CSPP1: variants seen among roughly 807,000 people sequenced by gnomAD.
CSPP1 encodes the protein centrosome and spindle pole-associated protein 1.
Under a neutral mutation model 164.4 loss-of-function variants are expected in CSPP1, and 126 were observed. That is an observed-to-expected ratio of 0.77 (90% CI 0.66 to 0.89). The LOEUF (loss-of-function observed/expected upper bound fraction) is 0.89. CSPP1 is among the 40% of genes least tolerant of loss of function. The pLI, the probability that CSPP1 is intolerant of heterozygous loss-of-function variation, is 0.00. For missense variants in CSPP1, 1,395 were observed against 1,449.8 expected, an observed-to-expected ratio of 0.96 and a Z score of 0.61; for synonymous variants, 472 against 476.7, an observed-to-expected ratio of 0.99 and a Z score of 0.13.
intron 7 of CSPP1, among the ~76,000 whole-genome samples, chr8:67,098,292 CTTTT>C (rs201067321): frequency 3.1e-4 from 41 of 134,204 alleles, no homozygotes; most frequent in Non-Finnish European, 4.9e-5. Flanking sequence ...TTTCTTTGGT[CTTTT>C]TTTTTTTTTT....
At chr8:67,192,730 G>C (rs1216462882) in intron 29 of CSPP1, among the ~76,000 whole-genome samples, 1 of 152,136 alleles carries the variant, frequency 6.6e-6, no homozygotes, top group Admixed American at 6.6e-5. Flanking sequence ...TTTGCATGTG[G>C]CCATCCAGTT....
At position 67,158,459 on chromosome 8, in the gene CSPP1, A is replaced by G; in HGVS notation, c.2254A>G (p.Lys752Glu). ...NFLRFQIEEKKQREEAERERL... is the reference protein window; with the variant it reads ...NFLRFQIEEKEQREEAERERL... ...TTTAATTCTTTAGATTGAGGAAAAG[A>G]AACAAAGAGAGGAAGCAGAGCGAGA... The change falls in exon 20 of 31, where the codon AAA becomes GAA. Residue 752 changes from lysine (K) to glutamate (E), a missense_variant. Coordinates refer to ENST00000678616, the MANE Select transcript of CSPP1 (RefSeq NM_001382391.1). 4 of 1,599,214 alleles carry G rather than the reference A, an allele frequency of 2.5e-6. 1 individual carries two copies. The South Asian group carries it at 4.6e-5, about 18-fold the overall frequency.
At chr8:67,138,724 C>T (rs1031135463) in intron 17 of CSPP1, among the ~76,000 whole-genome samples, 1 of 152,250 alleles carries the variant, frequency 6.6e-6, no homozygotes, top group East Asian at 1.9e-4. Flanking sequence ...CAAAAATTTT[C>T]TCCCATTCTG....
intron 3 of CSPP1, among the ~76,000 whole-genome samples, chr8:67,077,779 C>T (rs1214170507): frequency 6.6e-6 from 1 of 152,150 alleles, no homozygotes; most frequent in Admixed American, 6.5e-5. Context: ...TAGGTATACT[C>T]CTAAATTGTT....
intron 17 of CSPP1, among the ~76,000 whole-genome samples, chr8:67,141,398 C>T (rs1823460893): frequency 6.6e-6 from 1 of 152,046 alleles, no homozygotes; most frequent in Admixed American, 6.5e-5. Context: ...GTCTTCATGC[C>T]ATGAAATAGA....
intron 21 of CSPP1, among the ~76,000 whole-genome samples, chr8:67,161,519 T>A (rs767769382): frequency 7.2e-5 from 11 of 152,194 alleles, no homozygotes; most frequent in Non-Finnish European, 1.2e-4. Context: ...AGTTTTGTTA[T>A]ATTTTTTCTT....
chr8:67,091,839 A>G lies in CSPP1; in HGVS notation c.340A>G (p.Thr114Ala), dbSNP rs1317734206. The change falls in exon 5 of 31, where the codon ACT (threonine) becomes GCT (alanine). Residue 114 changes from threonine to alanine, a missense_variant. Coordinates refer to ENST00000678616, the MANE Select transcript of CSPP1 (RefSeq NM_001382391.1). Reference protein sequence around the residue: ...FLSTSETDPSTLGVSLPIGER... With the variant: ...FLSTSETDPSALGVSLPIGER... ...ATCTACGAGTGAAACAGATCCATCT[A>G]CTTTGGGAGTTTCTCTTCCTATTGG... 5.2e-6 allele frequency: 7 copies of G among 1,351,128 alleles called. No homozygotes were observed. Among genetic ancestry groups the G allele is most frequent in the African/African-American group, 1.5e-5 (1 of 67,124 alleles). The allele number at this position is 1,351,128 out of a possible 1,614,324, so 83.7% of individuals were successfully genotyped here.
chr8:67,068,546 A>G (rs914711677), intron 1 of CSPP1, among the ~76,000 whole-genome samples: 3 of 152,056 alleles, frequency 2.0e-5, no homozygotes, highest in Non-Finnish European at 4.4e-5. Context: ...AAACTTTCTT[A>G]CTCTATATTG....
intron 16 of CSPP1, chr8:67,134,190 A>G (rs1382776871): frequency 1.3e-5 from 2 of 152,222 alleles, no homozygotes; most frequent in South Asian, 2.1e-4. Flanking sequence ...GAGGGCTTTC[A>G]GTTTAGATTT....
chr8:67,140,245 C>T (rs889258154), intron 17 of CSPP1, among the ~76,000 whole-genome samples: 12 of 152,104 alleles, frequency 7.9e-5, no homozygotes, highest in Middle Eastern at 3.4e-3. Flanking sequence ...CCACCACACC[C>T]GGCTAATTTT....
At chr8:67,177,625 A>G (rs546457891) in intron 26 of CSPP1, 55 bp from the exon 27 acceptor site, 1 of 1,134,590 alleles carries the variant, frequency 8.8e-7, no homozygotes, top group Admixed American at 1.8e-5. Flanking sequence ...AATTTAATTT[A>G]TATAGTAAGC....
intron 19 of CSPP1, among the ~76,000 whole-genome samples, chr8:67,155,895 T>A (rs1195331947): frequency 6.6e-6 from 1 of 152,180 alleles, no homozygotes; most frequent in Non-Finnish European, 1.5e-5. Context: ...AAGTGCTTTT[T>A]AAGGTTCAGC....
chr8:67,159,246 C>T, intron 21 of CSPP1, 109 bp downstream of exon 21: 2 of 1,013,280 alleles, frequency 2.0e-6, no homozygotes, highest in Admixed American at 2.3e-5. Context: ...TGCTTTTGTT[C>T]CTGTTCTGTC....
chr8:67,191,631 C>T (rs1836282937), intron 29 of CSPP1, among the ~76,000 whole-genome samples: 1 of 152,148 alleles, frequency 6.6e-6, no homozygotes, highest in South Asian at 2.1e-4. Flanking sequence ...AATAATTTTC[C>T]ACTGTATTAG....
At chr8:67,104,419 A>G (rs1166379360) in intron 8 of CSPP1, among the ~76,000 whole-genome samples, 1 of 151,924 alleles carries the variant, frequency 6.6e-6, no homozygotes, top group African/African-American at 2.4e-5. Context: ...ATGTGCCACT[A>G]TGCCTGGCTA....
At chr8:67,163,913 G>A in intron 23 of CSPP1, 115 bp downstream of exon 23, 1 of 738,118 alleles carries the variant, frequency 1.4e-6, no homozygotes, top group Non-Finnish European at 2.2e-6. Context: ...GTTAGGTGCT[G>A]TGTACCCATT....
At chr8:67,093,938 CTATGTT>C (rs1812140287) in intron 6 of CSPP1, among the ~76,000 whole-genome samples, 1 of 150,864 alleles carries the variant, frequency 6.6e-6, no homozygotes, top group Non-Finnish European at 1.5e-5. Context: ...CAATTCCTAG[CTATGTT>C]TGTTTTTTTC....
At chr8:67,185,104 C>CAA (rs562540567) in intron 28 of CSPP1, among the ~76,000 whole-genome samples, 109 of 121,932 alleles carry the variant, frequency 8.9e-4, no homozygotes, top group African/African-American at 1.9e-3. Flanking sequence ...GACTCCGTCT[C>CAA]AAAAAAAAAA....
intron 18 of CSPP1, 54 bp downstream of exon 18, chr8:67,149,989 C>G: frequency 4.5e-6 from 6 of 1,338,974 alleles, no homozygotes; most frequent in Non-Finnish European, 5.7e-6. Flanking sequence ...TGAAATTGTT[C>G]AGTAACATTT....
Sources: gnomAD v4.1 joint callset for allele counts (sites outside exome capture counted in the v4.1 genomes callset) on GRCh38, gnomAD v4.1.1 for gene constraint, MANE v1.5 for transcripts, NCBI Gene and HGNC (gene_info 2026-07-23, HGNC 2026-07-21) for gene names.